The following ANKRD42 variants were observed in gnomAD, a reference collection of about 807,000 sequenced individuals.
ANKRD42 encodes the protein ankyrin repeat domain-containing protein 42.
A neutral mutation model predicts 51.5 loss-of-function variants in ANKRD42; 43 were observed. The ratio of observed to expected loss-of-function variants is 0.83; its 90% CI spans 0.65 to 1.08. The LOEUF is 1.08. Ranked by LOEUF, ANKRD42 falls within the 50% of genes least tolerant of loss-of-function variation. ANKRD42 has a pLI of 0.00. For missense variants in ANKRD42, 608 were observed against 629.3 expected, an observed-to-expected ratio of 0.97 and a Z score of 0.36; for synonymous variants, 203 against 213.0, an observed-to-expected ratio of 0.95 and a Z score of 0.41.
chr11:83,214,356 T>G, intron 5 of ANKRD42: 1 of 884,736 alleles, frequency 1.1e-6, no homozygotes, highest in Non-Finnish European at 1.4e-6. Context: ...AACTGACTTT[T>G]CCGTGTGTAA....
intron 9 of ANKRD42, among the ~76,000 whole-genome samples, chr11:83,245,101 A>G (rs1054314097): frequency 3.0e-4 from 45 of 152,078 alleles, no homozygotes; most frequent in African/African-American, 1.1e-3. Flanking sequence ...ACGGGGTTTC[A>G]CCATGTTGGC....
chr11:83,213,128 G>A, intron 5 of ANKRD42: 1 of 1,601,912 alleles, frequency 6.2e-7, no homozygotes, highest in Non-Finnish European at 8.5e-7. Flanking sequence ...CAGAGGTATT[G>A]ACAACAGGGT....
chr11:83,209,300 A>G lies in ANKRD42; in HGVS notation c.331-1000A>G, dbSNP rs575949472. 4 of 729,768 alleles carry G rather than the reference A, an allele frequency of 5.5e-6. No homozygotes were observed. In the East Asian group the frequency reaches 1.1e-4, roughly 20 times the overall value. The allele number at this position is 729,768 out of a possible 1,614,324, so 45.2% of individuals were successfully genotyped here. ...TTATAAGTGTCTTCTAGGCAATGTT[A>G]AAACATTTTCTTGAGGCCAAAGTGG... On this transcript the variant is annotated intron_variant, in intron 3 of 10. Transcript: ENST00000533342.
chr11:83,223,030 T>C (rs1862761578), intron 5 of ANKRD42, among the ~76,000 whole-genome samples: 1 of 152,106 alleles, frequency 6.6e-6, no homozygotes, highest in South Asian at 2.1e-4. Context: ...GCGGGTGCAT[T>C]GCTTGAGGCC....
intron 9 of ANKRD42, among the ~76,000 whole-genome samples, chr11:83,242,863 G>A (rs1418857287): frequency 6.6e-6 from 1 of 151,948 alleles, no homozygotes; most frequent in Non-Finnish European, 1.5e-5. Flanking sequence ...GTGCCCGGCC[G>A]CACCACGTTT....
intron 8 of ANKRD42, 31 bp downstream of exon 8, chr11:83,236,540 T>G (rs1863230951): frequency 6.5e-7 from 1 of 1,539,166 alleles, no homozygotes; most frequent in Admixed American, 2.1e-5. Context: ...TACTCCTTTC[T>G]TTTCTCTTTA....
At chr11:83,252,104 G>C (rs1383284199), downstream of ANKRD42, among the ~76,000 whole-genome samples, 2 of 152,180 alleles carry the variant, frequency 1.3e-5, no homozygotes, top group Non-Finnish European at 2.9e-5. Context: ...GGCAAGACTT[G>C]TGTAGGCATT....
intron 2 of ANKRD42, among the ~76,000 whole-genome samples, chr11:83,203,058 C>G (rs1328853089): frequency 7.1e-6 from 1 of 141,536 alleles, no homozygotes; most frequent in Non-Finnish European, 1.5e-5. Context: ...GTGGTGTGAT[C>G]TCAGTTCACT....
intron 5 of ANKRD42, among the ~76,000 whole-genome samples, chr11:83,223,174 C>G (rs866357314): frequency 1.3e-5 from 2 of 152,136 alleles, no homozygotes; most frequent in African/African-American, 4.8e-5. Context: ...CGCTTGAACC[C>G]AGGAGGTGGA....
chr11:83,210,521 G>C, intron 4 of ANKRD42, 102 bp downstream of exon 4: 1 of 1,357,524 alleles, frequency 7.4e-7, no homozygotes, highest in Non-Finnish European at 1.0e-6. Flanking sequence ...CTCTTAATAT[G>C]ACTTTGGGAA....
intron 3 of ANKRD42, 28 bp from the exon 4 acceptor site, chr11:83,210,272 A>G (rs770684306): frequency 1.2e-6 from 2 of 1,606,786 alleles, no homozygotes; most frequent in African/African-American, 1.3e-5. Context: ...ATACTCATGT[A>G]AAGTCTTTCC....
At chr11:83,232,786 A>C (rs893778328) in intron 7 of ANKRD42, among the ~76,000 whole-genome samples, 1 of 152,152 alleles carries the variant, frequency 6.6e-6, no homozygotes, top group Non-Finnish European at 1.5e-5. Context: ...GTTTTTATTA[A>C]GAAGAGATGT....
Position 83,194,569 on chromosome 11 carries a change from G to GGCCGCT in ANKRD42, c.-93_-88dup. 2.6e-6 allele frequency: 3 copies of GGCCGCT among 1,172,344 alleles called. No individual in the cohort carries two copies. In the East Asian group the frequency reaches 7.2e-5, roughly 28 times the overall value. The allele number at this position is 1,172,344 out of a possible 1,614,324, so 72.6% of individuals were successfully genotyped here. The stretch of plus-strand genomic sequence containing the variant: ...CCGTCCTAGTGACGACGGAGAAGAG[G>GGCCGCT]GCCGCTGCCGCTGCAGTGGCTCGTG... On this transcript the variant is annotated 5_prime_UTR_variant, in exon 1 of 11. Coordinates refer to ENST00000533342, the MANE Select transcript of ANKRD42 (RefSeq NM_001300975.2).
chr11:83,193,849 G>A lies in ANKRD42; in HGVS notation c.-822G>A. On this transcript the variant is annotated 5_prime_UTR_variant, in exon 1 of 11. Transcript: ENST00000533342. ...TTCGCAGGGAGTAGCAGACGAAGAC[G>A]GTGGCCGCCGCACTAGCCACCACGT... 2.2e-6 allele frequency: 1 copy of A among 455,242 alleles called. No homozygotes were observed. The highest frequency in any genetic ancestry group is 4.4e-6 in the Non-Finnish European group (1 of 225,906). 28.2% of individuals were successfully genotyped at this position (455,242 alleles called of 1,614,324 possible). A position where few individuals can be genotyped will look rare whatever the true frequency, so the allele number is the denominator to read the frequency against.
chr11:83,212,789 C>G, intron 5 of ANKRD42: 2 of 1,504,540 alleles, frequency 1.3e-6, no homozygotes, highest in South Asian at 2.5e-5. Flanking sequence ...TTGTTTTTTT[C>G]TGAAGGTCGT....
At chr11:83,259,256 T>C (rs576760978), downstream of ANKRD42, 1 of 152,264 alleles carries the variant, frequency 6.6e-6, no homozygotes, top group East Asian at 1.9e-4. Context: ...TTAAGGCATA[T>C]AGAAACACAA....
At chr11:83,217,218 T>C (rs1366022637) in intron 5 of ANKRD42, among the ~76,000 whole-genome samples, 2 of 152,214 alleles carry the variant, frequency 1.3e-5, no homozygotes, top group African/African-American at 2.4e-5. Context: ...TGGTTAAACA[T>C]ATTCCAGGGT....
At chr11:83,255,576 T>C (rs1184031042) in intron 11 of ANKRD42, among the ~76,000 whole-genome samples, 2 of 152,216 alleles carry the variant, frequency 1.3e-5, no homozygotes, top group Non-Finnish European at 2.9e-5. Flanking sequence ...ATTGGCTATA[T>C]CTGACAAGTA....
intron 9 of ANKRD42, among the ~76,000 whole-genome samples, chr11:83,244,330 G>A (rs1863481051): frequency 6.6e-6 from 1 of 152,030 alleles, no homozygotes; most frequent in East Asian, 1.9e-4. Flanking sequence ...TCTGGAATGG[G>A]GCTCAAGCAC....
Sources: gnomAD v4.1 joint callset for allele counts (sites outside exome capture counted in the v4.1 genomes callset) on GRCh38, gnomAD v4.1.1 for gene constraint, MANE v1.5 for transcripts, NCBI Gene and HGNC (gene_info 2026-07-23, HGNC 2026-07-21) for gene names.